Variants in OR2L13 observed in about 807,000 individuals in gnomAD.
OR2L13 encodes olfactory receptor family 2 subfamily L member 13.
Under a neutral mutation model 15.3 loss-of-function variants are expected in OR2L13, and 14 were observed. That is an observed-to-expected ratio of 0.91 (90% CI 0.60 to 1.43). The LOEUF (loss-of-function observed/expected upper bound fraction) is 1.43. OR2L13 is among the 40% of genes most tolerant of loss of function. The pLI, the probability that OR2L13 is intolerant of heterozygous loss-of-function variation, is 0.00. For synonymous variants in OR2L13, 152 were observed against 142.9 expected (o/e 1.06, Z -0.45); for missense variants, 367 against 387.9 (o/e 0.95, Z 0.45).
the OR2L13 span, among the ~76,000 whole-genome samples, chr1:248,066,038 C>T: frequency 6.6e-6 from 1 of 152,120 alleles, no homozygotes; most frequent in East Asian, 1.9e-4. Context: ...AATAAACTAC[C>T]AGAATTAACC....
the OR2L13 span, among the ~76,000 whole-genome samples, chr1:248,017,790 T>C: frequency 2.2e-4 from 33 of 152,266 alleles, no homozygotes; most frequent in African/African-American, 7.2e-4. Context: ...CTGATTTGCT[T>C]CGTGATTCCG....
the OR2L13 span, chr1:247,991,178 T>G: frequency 5.6e-6 from 9 of 1,602,746 alleles, no homozygotes; most frequent in Non-Finnish European, 7.7e-6. Flanking sequence ...ACACGAGTGA[T>G]TCAGAAAATC....
chr1:248,010,170 A>G, the OR2L13 span, among the ~76,000 whole-genome samples: 1 of 152,170 alleles, frequency 6.6e-6, no homozygotes, highest in African/African-American at 2.4e-5. Flanking sequence ...GGCCAAGGCA[A>G]TCAGGCAGGA....
the OR2L13 span, among the ~76,000 whole-genome samples, chr1:247,998,126 G>T: frequency 6.6e-6 from 1 of 152,216 alleles, no homozygotes; most frequent in East Asian, 1.9e-4. Flanking sequence ...TGATCCCAGG[G>T]AAGAAGGGAC....
At chr1:247,939,682 TGTTA>T in the OR2L13 span, 17 of 152,354 alleles carry the variant, frequency 1.1e-4, no homozygotes, top group African/African-American at 3.8e-4. Context: ...TATAGAGTGT[TGTTA>T]GTTTCTTTGG....
At chr1:248,099,409 A>T in exon 3 of OR2L13, 1 of 1,613,380 alleles carries the variant, frequency 6.2e-7, no homozygotes, top group Non-Finnish European at 8.5e-7. Flanking sequence ...AAATGATTTC[A>T]TTTTGTTGGG....
the OR2L13 span, chr1:248,003,664 T>C: frequency 2.2e-5 from 35 of 1,612,124 alleles, no homozygotes; most frequent in African/African-American, 2.7e-5. Flanking sequence ...ATTTCTTCTG[T>C]GATGTCCCAG....
At chr1:247,967,898 T>C in the OR2L13 span, among the ~76,000 whole-genome samples, 1 of 150,960 alleles carries the variant, frequency 6.6e-6, no homozygotes, top group African/African-American at 2.5e-5. Context: ...TCCTCCTTCC[T>C]CGTCCTCTTC....
At chr1:248,071,925 G>A in the OR2L13 span, among the ~76,000 whole-genome samples, 5 of 151,666 alleles carry the variant, frequency 3.3e-5, no homozygotes, top group African/African-American at 9.7e-5. Flanking sequence ...TACAAGGGAT[G>A]TGAAGGACCT....
chr1:248,066,546 C>T, the OR2L13 span, among the ~76,000 whole-genome samples: 6 of 152,150 alleles, frequency 3.9e-5, no homozygotes, highest in Non-Finnish European at 5.9e-5. Flanking sequence ...AAGATGAATA[C>T]GTGGACCACA....
At chr1:247,946,803 T>G in the OR2L13 span, among the ~76,000 whole-genome samples, 2 of 152,178 alleles carry the variant, frequency 1.3e-5, no homozygotes, top group African/African-American at 4.8e-5. Context: ...ACTTTATGTC[T>G]GCAATGAGGG....
At chr1:248,100,394 A>G in exon 3 of OR2L13, 1 of 655,178 alleles carries the variant, frequency 1.5e-6, no homozygotes, top group South Asian at 3.2e-5. Context: ...TCCAATAGAA[A>G]TACAACATAA....
upstream of OR2L13, among the ~76,000 whole-genome samples, chr1:248,091,889 G>T: frequency 6.6e-6 from 1 of 152,058 alleles, no homozygotes; most frequent in Non-Finnish European, 1.5e-5. Context: ...GGGCAGTATG[G>T]CCATTTTAAG....
At chr1:247,985,182 A>G in the OR2L13 span, among the ~76,000 whole-genome samples, 1 of 152,098 alleles carries the variant, frequency 6.6e-6, no homozygotes, top group African/African-American at 2.4e-5. Context: ...TACATGTGCC[A>G]TGTTGGTGTG....
the OR2L13 span, among the ~76,000 whole-genome samples, chr1:248,063,666 G>A: frequency 6.6e-6 from 1 of 152,186 alleles, no homozygotes; most frequent in East Asian, 1.9e-4. Flanking sequence ...TCTCTTCCCA[G>A]GTAGGGACAT....
chr1:248,084,448 TC>T, the OR2L13 span: 6 of 1,585,146 alleles, frequency 3.8e-6, no homozygotes, highest in South Asian at 6.6e-5. Flanking sequence ...AGCCGGCCGG[TC>T]CCGGTGAATC....
chr1:248,039,059 G>A, the OR2L13 span: 2 of 1,613,980 alleles, frequency 1.2e-6, no homozygotes, highest in East Asian at 2.2e-5. Context: ...CAAGATCCCT[G>A]CGATCTCCAA....
the OR2L13 span, among the ~76,000 whole-genome samples, chr1:248,071,199 C>T: frequency 8.5e-5 from 13 of 152,160 alleles, no homozygotes; most frequent in South Asian, 4.2e-4. Context: ...ACCAATATCC[C>T]TGATGAACAT....
At chr1:247,987,437 T>C in the OR2L13 span, among the ~76,000 whole-genome samples, 4 of 152,198 alleles carry the variant, frequency 2.6e-5, no homozygotes, top group Non-Finnish European at 5.9e-5. Context: ...GACATTTGTG[T>C]CTTGTTCCAA....
Sources: gnomAD v4.1 joint callset for allele counts (sites outside exome capture counted in the v4.1 genomes callset) on GRCh38, gnomAD v4.1.1 for gene constraint, MANE v1.5 for transcripts, NCBI Gene and HGNC (gene_info 2026-07-23, HGNC 2026-07-21) for gene names.